Variants in ARHGEF10 observed in about 807,000 individuals in gnomAD.
ARHGEF10 encodes Rho guanine nucleotide exchange factor 10.
ARHGEF10 carries 140 observed loss-of-function variants against 147.4 expected under a neutral mutation model. The ratio of observed to expected loss-of-function variants is 0.95; its 90% CI spans 0.83 to 1.09. The LOEUF is 1.09. Among genes scored for constraint, ARHGEF10 ranks in the 50% least tolerant of loss-of-function variants. The pLI, the probability that ARHGEF10 is intolerant of heterozygous loss-of-function variation, is 0.00. For synonymous variants in ARHGEF10, 902 were observed against 695.8 expected (o/e 1.30, Z -4.67); for missense variants, 2,222 against 1,752.7 (o/e 1.27, Z -4.78).
chr8:1,867,245 GA>G (rs1428324224), intron 6 of ARHGEF10, among the ~76,000 whole-genome samples: 1 of 152,160 alleles, frequency 6.6e-6, no homozygotes, highest in African/African-American at 2.4e-5. Context: ...AAATGTGCTT[GA>G]AAAGCTAATT....
intron 26 of ARHGEF10, among the ~76,000 whole-genome samples, chr8:1,941,356 T>C (rs1384452773): frequency 6.6e-6 from 1 of 152,236 alleles, no homozygotes; most frequent in African/African-American, 2.4e-5. Flanking sequence ...CAACTTCATT[T>C]ATAATGCTGT....
intron 26 of ARHGEF10, among the ~76,000 whole-genome samples, chr8:1,935,959 G>A (rs746210882): frequency 2.5e-4 from 38 of 152,224 alleles, no homozygotes; most frequent in Non-Finnish European, 4.4e-4. Context: ...GAGCCCACCC[G>A]TGTCTGCTGT....
chr8:1,843,147 A>T (rs761161892), intron 1 of ARHGEF10, among the ~76,000 whole-genome samples: 4 of 152,238 alleles, frequency 2.6e-5, no homozygotes, highest in Non-Finnish European at 5.9e-5. Context: ...TCCAACACTG[A>T]GAAGTCTCTT....
chr8:1,841,826 TGGGGCCGCGACGGGAACTGGGG>T (rs1804061161), intron 1 of ARHGEF10, among the ~76,000 whole-genome samples: 1 of 95,002 alleles, frequency 1.1e-5, no homozygotes, highest in African/African-American at 3.6e-5. Context: ...CGGCGGGAAC[TGGGGCCGCGACGGGAACTGGGG>T]CCGCGGCGGG....
chr8:1,893,778 G>T (rs905667573), intron 12 of ARHGEF10, 132 bp downstream of exon 12: 1 of 696,094 alleles, frequency 1.4e-6, no homozygotes, highest in Non-Finnish European at 2.6e-6. Context: ...TTCTCAAAAG[G>T]ATCTAAGTAT....
rs188294606 is a variant in ARHGEF10, at chr8:1,906,493, C to T, written c.1967+777C>T. On this transcript the variant is annotated intron_variant, in intron 17 of 28. Transcript: ENST00000349830. The stretch of plus-strand genomic sequence containing the variant: ...GTGAGAGCCAGCTGTTAAACGTTTG[C>T]CAGCACACCACTAAACATGCCCTAT... Among the ~76,000 whole-genome samples the T allele has an allele frequency of 3.3e-4, 50 of 152,286 alleles. No individual in the cohort carries two copies. The Middle Eastern group carries it at 0.01, about 31-fold the overall frequency.
At chr8:1,951,613 C>T (rs904656051) in intron 27 of ARHGEF10, among the ~76,000 whole-genome samples, 2 of 152,124 alleles carry the variant, frequency 1.3e-5, no homozygotes, top group African/African-American at 4.8e-5. Flanking sequence ...GGGTCAAATG[C>T]AGGGATATTT....
chr8:1,854,400 ACTT>A (rs1805393227), intron 2 of ARHGEF10, among the ~76,000 whole-genome samples: 1 of 152,196 alleles, frequency 6.6e-6, no homozygotes, highest in Non-Finnish European at 1.5e-5. Context: ...ATTGAGCACA[ACTT>A]CTTTGAGTTC....
At chr8:1,846,196 G>T (rs1026363625) in intron 2 of ARHGEF10, among the ~76,000 whole-genome samples, 11 of 152,372 alleles carry the variant, frequency 7.2e-5, no homozygotes, top group Admixed American at 6.5e-4. Context: ...CCTCTGGCGG[G>T]TTGGGAGCGA....
At chr8:1,944,221 G>C (rs931690767) in intron 26 of ARHGEF10, among the ~76,000 whole-genome samples, 15 of 145,614 alleles carry the variant, frequency 1.0e-4, no homozygotes, top group Non-Finnish European at 2.0e-4. Flanking sequence ...GCACCATGTC[G>C]CCTCCCTGGG....
chr8:1,852,207 A>T (rs1297641850), intron 2 of ARHGEF10, among the ~76,000 whole-genome samples: 1 of 152,056 alleles, frequency 6.6e-6, no homozygotes, highest in Non-Finnish European at 1.5e-5. Context: ...GGCCCTCTAG[A>T]ACCTCTCCAT....
In ARHGEF10 at chr8:1,905,527, G is replaced by A. The variant is rs113172311; in HGVS notation, c.1822-44G>A. The A allele has an allele frequency of 1.1e-3, 1,734 of 1,613,582 alleles. 9 individuals carry two copies. In the African/African-American group the frequency reaches 0.02, roughly 19 times the overall value. Reference sequence around the variant, plus strand: ...CTTCTCCTCATCTTTTTCTTTTCCGGGTAAACTGAACTGTGGTCCCTGGGC... The same window carrying A: ...CTTCTCCTCATCTTTTTCTTTTCCGAGTAAACTGAACTGTGGTCCCTGGGC... On this transcript the variant is annotated intron_variant, in intron 16 of 28. Coordinates refer to ENST00000349830, the MANE Select transcript of ARHGEF10 (RefSeq NM_014629.4).
Position 1,873,692 on chromosome 8 carries a change from AGC to A in ARHGEF10, c.680-2877_680-2876del, listed in dbSNP as rs200359920. On this transcript the variant is annotated intron_variant, in intron 7 of 28. Transcript: ENST00000349830. ...GCACCCGCATTTCCTCGTTTCATTG[AGC>A]GGTGCCCGCGGGGTAGTGCACTCGC... 1.2e-3 allele frequency among the ~76,000 whole-genome samples: 141 copies of A among 122,582 alleles called. 1 individual carries two copies. The highest frequency in any genetic ancestry group is 1.6e-3 in the Non-Finnish European group (90 of 55,500). 80.4% of individuals were successfully genotyped at this position (122,582 alleles called of 152,430 possible). A position where few individuals can be genotyped will look rare whatever the true frequency, so the allele number is the denominator to read the frequency against.
intron 13 of ARHGEF10, 49 bp downstream of exon 13, chr8:1,894,621 G>A (rs772878298): frequency 6.3e-7 from 1 of 1,593,084 alleles, no homozygotes; most frequent in Non-Finnish European, 8.6e-7. Context: ...CCATGCACCT[G>A]TCCTCTCTTC....
chr8:1,878,770 C>G (rs1220263451), intron 8 of ARHGEF10, among the ~76,000 whole-genome samples: 1 of 152,136 alleles, frequency 6.6e-6, no homozygotes, highest in Non-Finnish European at 1.5e-5. Flanking sequence ...GGCCCGTATC[C>G]CAGAGGAGCC....
intron 7 of ARHGEF10, among the ~76,000 whole-genome samples, chr8:1,873,567 C>G (rs1348684911): frequency 7.9e-6 from 1 of 126,686 alleles, no homozygotes; most frequent in African/African-American, 3.7e-5. Context: ...TGAGAGGTGC[C>G]GCGGGGTAGT....
chr8:1,856,908 G>T (rs574106773), intron 2 of ARHGEF10, among the ~76,000 whole-genome samples: 67 of 152,324 alleles, frequency 4.4e-4, no homozygotes, highest in South Asian at 8.3e-4. Flanking sequence ...GGTGTGCCGG[G>T]TGGTGTTGTC....
At chr8:1,894,365 T>C in intron 12 of ARHGEF10, 28 bp from the exon 13 acceptor site, 1 of 1,613,742 alleles carries the variant, frequency 6.2e-7, no homozygotes, top group Non-Finnish European at 8.5e-7. Context: ...AAGAAAAGTC[T>C]GAACTGTCTT....
chr8:1,837,180 T>C (rs1246436899), intron 1 of ARHGEF10, among the ~76,000 whole-genome samples: 2 of 152,206 alleles, frequency 1.3e-5, no homozygotes, highest in South Asian at 2.1e-4. Context: ...AGGATGCCGG[T>C]GGTAGGGCAA....
Sources: gnomAD v4.1 joint callset for allele counts (sites outside exome capture counted in the v4.1 genomes callset) on GRCh38, gnomAD v4.1.1 for gene constraint, MANE v1.5 for transcripts, NCBI Gene and HGNC (gene_info 2026-07-23, HGNC 2026-07-21) for gene names.